Variants in CCDC40 observed in about 807,000 individuals in gnomAD.
CCDC40 encodes the protein coiled-coil domain-containing protein 40.
CCDC40 carries 104 observed loss-of-function variants against 124.5 expected under a neutral mutation model. The observed-to-expected ratio is 0.84, with a 90% CI of 0.71 to 0.98. CCDC40 has a LOEUF of 0.98. Among genes scored for constraint, CCDC40 ranks in the 50% least tolerant of loss-of-function variants. The pLI, the probability that CCDC40 is intolerant of heterozygous loss-of-function variation, is 0.00. For missense variants in CCDC40, 1,463 were observed against 1,503.9 expected (o/e 0.97, Z 0.45); for synonymous variants, 580 against 602.9 (o/e 0.96, Z 0.56).
chr17:80,054,869 G>C (rs1423000226), intron 7 of CCDC40, among the ~76,000 whole-genome samples: 1 of 152,114 alleles, frequency 6.6e-6, no homozygotes, highest in Non-Finnish European at 1.5e-5. Flanking sequence ...CAGCTACTCA[G>C]GAGGTTGAGA....
Position 80,096,392 on chromosome 17 carries a change from G to A in CCDC40, c.3022-853G>A, listed in dbSNP as rs116925903. On this transcript the variant is annotated intron_variant, in intron 18 of 19. Coordinates refer to ENST00000397545, the MANE Select transcript of CCDC40 (RefSeq NM_017950.4). The stretch of plus-strand genomic sequence containing the variant: ...AGCCAAAAATGGCAGACATGCATGG[G>A]CTGCTCATTTGGAAGTAACTGGAAG... Among the ~76,000 whole-genome samples, 1,063 of 152,280 alleles carry A rather than the reference G, an allele frequency of 7.0e-3. 7 individuals are homozygous for A. The highest frequency in any genetic ancestry group is 0.017 in the Middle Eastern group (5 of 294).
At position 80,058,963 on chromosome 17, in the gene CCDC40, A is replaced by C. The variant is rs2037825055; in HGVS notation, c.1423A>C (p.Arg475=). ...LAQAEDTRIL[R]KAVSEACTEI... ...CCAAGCTGAGGACACCCGGATTTTA[A>C]GGAAAGCAGTGAGTGAGGTAAAAGC... Residue 475 remains arginine, a synonymous_variant, in exon 9 of 20, where the codon AGG becomes CGG. Transcript: ENST00000397545. This position sits in a 1 kb window ranked among gnomAD's most constrained non-coding sequence, Gnocchi z 4.2. 2.5e-6 allele frequency: 4 copies of C among 1,614,080 alleles called. No individual in the cohort carries two copies. The South Asian group carries it at 4.4e-5, about 18-fold the overall frequency.
At chr17:80,075,879 G>T (rs1048415836) in intron 10 of CCDC40, among the ~76,000 whole-genome samples, 2 of 152,146 alleles carry the variant, frequency 1.3e-5, no homozygotes, top group Admixed American at 6.5e-5. Flanking sequence ...TGGCTTTGAG[G>T]GCTCAGGACT....
intron 2 of CCDC40, among the ~76,000 whole-genome samples, chr17:80,038,922 A>T (rs1458499546): frequency 6.6e-6 from 1 of 152,244 alleles, no homozygotes; most frequent in Non-Finnish European, 1.5e-5. Flanking sequence ...CACCAGAACA[A>T]ACTCAATTCA....
Position 80,058,490 on chromosome 17 carries a change from G to T in CCDC40, c.1160-4G>T, listed in dbSNP as rs747199219. On this transcript the variant is annotated splice_region_variant and splice_polypyrimidine_tract_variant and intron_variant, in intron 7 of 19. Coordinates refer to ENST00000397545, the MANE Select transcript of CCDC40 (RefSeq NM_017950.4). The surrounding 1 kb of genome is among the most constrained non-coding windows in gnomAD (Gnocchi z 4.2). The stretch of plus-strand genomic sequence containing the variant: ...CTCTCTTTCTCCCCCGCCGCGCCCC[G>T]CAGTGGCGGCTCTGCAGACTGAGAT... The T allele has an allele frequency of 6.2e-7, 1 of 1,613,526 alleles. No homozygotes were observed. The highest frequency in any genetic ancestry group is 8.5e-7 in the Non-Finnish European group (1 of 1,179,870).
At chr17:80,092,795 G>C (rs1487251841) in intron 17 of CCDC40, among the ~76,000 whole-genome samples, 3 of 152,018 alleles carry the variant, frequency 2.0e-5, no homozygotes, top group African/African-American at 7.3e-5. Flanking sequence ...TTCTTTCATG[G>C]ATCGTTTCAG....
chr17:80,059,567 T>TG (rs2037846311), intron 9 of CCDC40, among the ~76,000 whole-genome samples: 1 of 151,082 alleles, frequency 6.6e-6, no homozygotes, highest in South Asian at 2.1e-4. Context: ...CAATTAACTT[T>TG]TTTTTTTTTT....
At chr17:80,049,088 G>A (rs909364075) in intron 5 of CCDC40, among the ~76,000 whole-genome samples, 4 of 151,932 alleles carry the variant, frequency 2.6e-5, no homozygotes, top group African/African-American at 7.3e-5. Context: ...CCCCGCCTTG[G>A]TTGTGATCAT....
At chr17:80,055,810 G>A (rs1318609955) in intron 7 of CCDC40, among the ~76,000 whole-genome samples, 2 of 150,904 alleles carry the variant, frequency 1.3e-5, no homozygotes, top group Admixed American at 6.6e-5. Context: ...AGATTCTTGT[G>A]GATTCTTTTT....
Position 80,095,253 on chromosome 17 carries a change from T to C in CCDC40, c.2833-10T>C. 6.2e-7 allele frequency: 1 copy of C among 1,613,546 alleles called. No homozygotes were observed. Among genetic ancestry groups the C allele is most frequent in the Non-Finnish European group, 8.5e-7 (1 of 1,179,878 alleles). ...TGCCCCAGCCCCAGCCCCTCTGTCC[T>C]GTCTCCCAGGTCAGGCTCGGGCAGC... On this transcript the variant is annotated splice_polypyrimidine_tract_variant and intron_variant, in intron 17 of 19. Coordinates refer to ENST00000397545, the MANE Select transcript of CCDC40 (RefSeq NM_017950.4).
intron 1 of CCDC40, 147 bp from the exon 2 acceptor site, chr17:80,037,976 G>A: frequency 1.5e-6 from 1 of 656,472 alleles, no homozygotes. Flanking sequence ...TATGGTTCCT[G>A]ACAAACAGGA....
At chr17:80,098,434 C>T (rs2038850499) in intron 19 of CCDC40, among the ~76,000 whole-genome samples, 2 of 152,246 alleles carry the variant, frequency 1.3e-5, no homozygotes, top group South Asian at 4.1e-4. Context: ...GGGCTATTTG[C>T]AGTGCTTCAG....
At position 80,065,580 on chromosome 17, in the gene CCDC40, G is replaced by A. The variant is rs1430373125; in HGVS notation, c.1536G>A (p.Ala512=). 5 of 1,612,666 alleles carry A rather than the reference G, an allele frequency of 3.1e-6. No individual in the cohort carries two copies. Among genetic ancestry groups the A allele is most frequent in the South Asian group, 2.2e-5 (2 of 91,062 alleles). ...TGGGCATGAAGCACCGCGACGAGGC[G>A]CACAGGGCGGTGCTGGAGGCGCTCA... ...SLVGMKHRDE[A]HRAVLEALRG... is the part of the protein sequence containing the mutation. Residue 512 remains alanine, a synonymous_variant, in exon 10 of 20, where the codon GCG becomes GCA. Coordinates refer to ENST00000397545, the MANE Select transcript of CCDC40 (RefSeq NM_017950.4).
At chr17:80,098,250 C>T (rs763533294) in intron 19 of CCDC40, among the ~76,000 whole-genome samples, 28 of 152,296 alleles carry the variant, frequency 1.8e-4, no homozygotes, top group South Asian at 6.2e-4. Flanking sequence ...CAGAGAGGGG[C>T]GGCCCAGACT....
intron 12 of CCDC40, among the ~76,000 whole-genome samples, 190 bp downstream of exon 12, chr17:80,082,248 G>GGTGTGGTGGCTTAT (rs1262811066): frequency 7.2e-6 from 1 of 139,300 alleles, no homozygotes; most frequent in African/African-American, 2.7e-5. Flanking sequence ...AAATAGGCCA[G>GGTGTGGTGGCTTAT]GCGTGAGCCA....
chr17:80,067,283 T>A (rs1356596251), intron 10 of CCDC40: 1 of 520,478 alleles, frequency 1.9e-6, no homozygotes, highest in East Asian at 3.1e-5. Flanking sequence ...GCAAACATTG[T>A]AAAAATCGTA....
chr17:80,095,480 G>A (rs758307213), intron 18 of CCDC40, 29 bp downstream of exon 18: 36 of 1,598,736 alleles, frequency 2.3e-5, no homozygotes, highest in Admixed American at 1.7e-4. Flanking sequence ...GAAACAGGGC[G>A]CCTGCTCCTC....
chr17:80,065,384 G>A, intron 9 of CCDC40, 101 bp from the exon 10 acceptor site: 4 of 1,501,174 alleles, frequency 2.7e-6, no homozygotes, highest in Non-Finnish European at 3.7e-6. Flanking sequence ...GTGATAGAAG[G>A]AAAAGAGGAA....
chr17:80,073,321 G>T (rs996604696), intron 10 of CCDC40, among the ~76,000 whole-genome samples: 1 of 152,082 alleles, frequency 6.6e-6, no homozygotes, highest in Non-Finnish European at 1.5e-5. Flanking sequence ...CGGCAGCTCC[G>T]TGTGGAGCAA....
Sources: allele counts gnomAD v4.1 joint callset (sites outside exome capture counted in the v4.1 genomes callset), GRCh38; gene constraint gnomAD v4.1.1; non-coding constraint Gnocchi (gnomAD v3.1); transcripts MANE v1.5; gene names NCBI Gene and HGNC (gene_info 2026-07-23, HGNC 2026-07-21).